Variants in SCAP observed in about 807,000 individuals in gnomAD.
SCAP encodes sterol regulatory element-binding protein cleavage-activating protein.
SCAP carries 65 observed loss-of-function variants against 123.6 expected under a neutral mutation model. The ratio of observed to expected loss-of-function variants is 0.53; its 90% CI spans 0.43 to 0.65. The LOEUF (loss-of-function observed/expected upper bound fraction) is 0.65, where lower values mean the gene tolerates loss of function less well. Ranked by LOEUF, SCAP falls within the 30% of genes least tolerant of loss-of-function variation. The pLI, the probability that SCAP is intolerant of heterozygous loss-of-function variation, is 0.00. For synonymous variants in SCAP, 740 were observed against 726.3 expected, an observed-to-expected ratio of 1.02 and a Z score of -0.30; for missense variants, 1,398 against 1,712.5, an observed-to-expected ratio of 0.82 and a Z score of 3.24.
chr3:47,460,609 G>C (rs895354416), intron 1 of SCAP, among the ~76,000 whole-genome samples: 20 of 152,122 alleles, frequency 1.3e-4, no homozygotes, highest in African/African-American at 4.6e-4. Context: ...CTGAAGTGCA[G>C]TGGCACAATC....
At chr3:47,451,572 T>C (rs1196021198) in intron 1 of SCAP, among the ~76,000 whole-genome samples, 1 of 120,608 alleles carries the variant, frequency 8.3e-6, no homozygotes, top group Non-Finnish European at 1.8e-5. Flanking sequence ...GAAATGTTTG[T>C]ATTTTTAATA....
At chr3:47,434,456 A>G (rs930456705) in intron 3 of SCAP, among the ~76,000 whole-genome samples, 1 of 152,192 alleles carries the variant, frequency 6.6e-6, no homozygotes, top group Non-Finnish European at 1.5e-5. Flanking sequence ...TTTCTCATTT[A>G]TATCAGTGTT....
In SCAP at chr3:47,470,458, A is replaced by T. The variant is rs530538594; in HGVS notation, c.-99+5341T>A. The stretch of plus-strand genomic sequence containing the variant: ...TAAAAAGGATTAAGTGAACATCTGT[A>T]CACAGGAGTTAACACCCTTATCTGG... On this transcript the variant is annotated intron_variant, in intron 1 of 22. Transcript: ENST00000265565. 3.9e-5 allele frequency among the ~76,000 whole-genome samples: 6 copies of T among 152,362 alleles called. No individual in the cohort carries two copies. The East Asian group carries it at 9.6e-4, about 24-fold the overall frequency.
chr3:47,428,897 A>C (rs1706250546), intron 3 of SCAP: 2 of 476,766 alleles, frequency 4.2e-6, no homozygotes, highest in African/African-American at 3.9e-5. Flanking sequence ...TGGCTGAAAT[A>C]AGCTGGAACC....
At chr3:47,465,315 T>C (rs1395587625) in intron 1 of SCAP, among the ~76,000 whole-genome samples, 1 of 151,926 alleles carries the variant, frequency 6.6e-6, no homozygotes, top group East Asian at 1.9e-4. Flanking sequence ...GGATTACAGG[T>C]GTATGCCACC....
chr3:47,451,292 C>T lies in SCAP; in HGVS notation c.-98-8201G>A, dbSNP rs1048885617. Among the ~76,000 whole-genome samples the T allele has an allele frequency of 6.5e-5, 8 of 123,920 alleles. 4 individuals are homozygous for T. Among genetic ancestry groups the T allele is most frequent in the Non-Finnish European group, 7.1e-5 (4 of 56,214 alleles). The allele number at this position is 123,920 out of a possible 152,430, so 81.3% of individuals were successfully genotyped here. ...CATTCCATCAAGAAACAGAACATTA[C>T]CCCAAAGGTCCCCTTTATGAGCCCC... On this transcript the variant is annotated intron_variant, in intron 1 of 22. Transcript: ENST00000265565.
chr3:47,427,445 A>G lies in SCAP; in HGVS notation c.631+2T>C. 6.2e-7 allele frequency: 1 copy of G among 1,614,018 alleles called. No homozygotes were observed. The highest frequency in any genetic ancestry group is 8.5e-7 in the Non-Finnish European group (1 of 1,179,872). On this transcript the variant is annotated splice_donor_variant, in intron 5 of 22. Transcript: ENST00000265565. LOFTEE classifies it high-confidence loss of function. ...TCTGAAGGGAACTTGTACTGGGGCT[A>G]CCTTTGAGTGTGGCTGAAGTCTGCA...
intron 1 of SCAP, among the ~76,000 whole-genome samples, chr3:47,463,855 T>G (rs989165829): frequency 6.6e-6 from 1 of 152,184 alleles, no homozygotes; most frequent in Non-Finnish European, 1.5e-5. Context: ...TGTTTTATTT[T>G]TGAGATAGGG....
At chr3:47,473,462 G>A (rs893098206) in intron 1 of SCAP, among the ~76,000 whole-genome samples, 1 of 152,172 alleles carries the variant, frequency 6.6e-6, no homozygotes, top group Non-Finnish European at 1.5e-5. Flanking sequence ...GCAGAGGTGT[G>A]GCAGACCTGG....
intron 2 of SCAP, among the ~76,000 whole-genome samples, chr3:47,441,146 C>G (rs555332953): frequency 6.6e-6 from 1 of 152,016 alleles, no homozygotes; most frequent in African/African-American, 2.4e-5. Context: ...GTGATCTGCC[C>G]GCCTCGGCCT....
At chr3:47,454,773 TA>T (rs1394343565) in intron 1 of SCAP, among the ~76,000 whole-genome samples, 6 of 151,654 alleles carry the variant, frequency 4.0e-5, no homozygotes, top group Non-Finnish European at 7.4e-5. Flanking sequence ...AATACACATA[TA>T]TATATAAAAA....
At chr3:47,425,952 C>G in intron 7 of SCAP, 45 bp downstream of exon 7, 4 of 1,607,280 alleles carry the variant, frequency 2.5e-6, no homozygotes, top group Non-Finnish European at 3.4e-6. Flanking sequence ...TGGAAATGCC[C>G]GTTTAGCTTG....
chr3:47,466,663 G>C (rs1707840297), intron 1 of SCAP, among the ~76,000 whole-genome samples: 2 of 151,998 alleles, frequency 1.3e-5, no homozygotes, highest in African/African-American at 4.8e-5. Flanking sequence ...AATGAAAAAA[G>C]AAGAGCTAAA....
chr3:47,462,667 C>A (rs1330437968), intron 1 of SCAP, among the ~76,000 whole-genome samples: 1 of 149,736 alleles, frequency 6.7e-6, no homozygotes, highest in Admixed American at 6.8e-5. Context: ...GCAGGAGAAT[C>A]GCTTGAACCT....
chr3:47,428,592 C>T lies in SCAP; in HGVS notation c.331G>A (p.Ala111Thr). 1 of 1,614,178 alleles carries T rather than the reference C, an allele frequency of 6.2e-7. No homozygotes were observed. Among genetic ancestry groups the T allele is most frequent in the South Asian group, 1.1e-5 (1 of 91,088 alleles). ...AAAGGTGAACGAAATACATCTACTGCCAGGAGGTTCTTGTGCCAGGGAAAC... is the reference window on the plus strand; with the variant it reads ...AAAGGTGAACGAAATACATCTACTGTCAGGAGGTTCTTGTGCCAGGGAAAC... Reference protein sequence around the residue: ...SVFPWHKNLLAVDVFRSPLSR... With the variant: ...SVFPWHKNLLTVDVFRSPLSR... The change falls in exon 4 of 23, where the codon GCA becomes ACA. Residue 111 changes from alanine to threonine, a missense_variant. This residue lies in a region of SCAP where 319 missense variants were observed against 432.4 expected (regional missense o/e 0.74). Transcript: ENST00000265565.
chr3:47,443,578 G>A (rs1344124998), intron 1 of SCAP, among the ~76,000 whole-genome samples: 1 of 152,104 alleles, frequency 6.6e-6, no homozygotes, highest in South Asian at 2.1e-4. Flanking sequence ...TGATTCACTC[G>A]TGAAGAAGGT....
At chr3:47,434,768 C>T (rs552388065) in intron 3 of SCAP, 21 of 375,984 alleles carry the variant, frequency 5.6e-5, no homozygotes, top group African/African-American at 2.1e-4. Flanking sequence ...ACCCGGGAGG[C>T]GGAGGTTGCA....
At chr3:47,437,900 A>G (rs897789258) in intron 2 of SCAP, among the ~76,000 whole-genome samples, 1 of 152,202 alleles carries the variant, frequency 6.6e-6, no homozygotes, top group Non-Finnish European at 1.5e-5. Flanking sequence ...ATGGAGTTAT[A>G]TGCACATTGA....
upstream of SCAP, among the ~76,000 whole-genome samples, chr3:47,476,632 T>C (rs1323491872): frequency 6.6e-6 from 1 of 152,226 alleles, no homozygotes; most frequent in Non-Finnish European, 1.5e-5. Context: ...CTACGTTCAC[T>C]GTTTACTAGG....
Sources: gnomAD v4.1 joint callset for allele counts (sites outside exome capture counted in the v4.1 genomes callset) on GRCh38, gnomAD v4.1.1 for gene constraint, gnomAD v4.1.1 regional missense constraint, MANE v1.5 for transcripts, NCBI Gene and HGNC (gene_info 2026-07-23, HGNC 2026-07-21) for gene names.